Variants in PITPNM3 observed in about 807,000 individuals in gnomAD.
PITPNM3 encodes PITPNM family member 3, also known as membrane-associated phosphatidylinositol transfer protein 3.
Under a neutral mutation model 102.0 loss-of-function variants are expected in PITPNM3, and 26 were observed. The observed-to-expected ratio is 0.25, with a 90% CI of 0.19 to 0.35. The LOEUF (loss-of-function observed/expected upper bound fraction) is 0.35. PITPNM3 is among the 10% of genes least tolerant of loss of function. The pLI, the probability that PITPNM3 is intolerant of heterozygous loss-of-function variation, is 1.00. For synonymous variants in PITPNM3, 578 were observed against 558.6 expected (o/e 1.03, Z -0.49); for missense variants, 1,083 against 1,346.1 (o/e 0.80, Z 3.06).
chr17:6,483,858 C>T (rs751576665), intron 5 of PITPNM3, 106 bp from the exon 6 acceptor site: 379 of 987,342 alleles, frequency 3.8e-4, no homozygotes, highest in Non-Finnish European at 5.3e-4. Context: ...CTCACACACA[C>T]GCACACACGG....
rs55984944 is a variant in PITPNM3, at chr17:6,451,892, C to CCCAAA, written c.*3445_*3446insTTTGG. The CCCAAA allele has an allele frequency of 1.1e-5, 1 of 94,446 alleles. No homozygotes were observed. Among genetic ancestry groups the CCCAAA allele is most frequent in the Non-Finnish European group, 2.2e-5 (1 of 46,070 alleles). The allele number at this position is 94,446 out of a possible 1,614,324, so 5.9% of individuals were successfully genotyped here. On this transcript the variant is annotated 3_prime_UTR_variant, in exon 20 of 20. Coordinates refer to ENST00000262483, the MANE Select transcript of PITPNM3 (RefSeq NM_031220.4). ...ACCCAAACCCCCCCCCCCCGCCCGC[C>CCCAAA]GATGGGATTCGGTGGGAAAGTTGGT...
At chr17:6,544,631 C>CTT (rs1909912631) in intron 1 of PITPNM3, among the ~76,000 whole-genome samples, 2 of 88,642 alleles carry the variant, frequency 2.3e-5, no homozygotes, top group East Asian at 3.3e-4. Context: ...TGGTGTCTCT[C>CTT]TCTCTCTCTC....
intron 14 of PITPNM3, 146 bp from the exon 15 acceptor site, chr17:6,464,917 G>T: frequency 1.2e-6 from 1 of 815,238 alleles, no homozygotes; most frequent in Non-Finnish European, 2.1e-6. Context: ...TTTCAGAGAT[G>T]TGTTCCCAGG....
chr17:6,483,643 A>G lies in PITPNM3; in HGVS notation c.461T>C (p.Ile154Thr). The part of the protein sequence containing the change: ...AGDPSCKAAD[I>T]HTFSSVLEKV... The stretch of plus-strand genomic sequence containing the variant: ...CTCCAGCACGGAGCTGAAGGTGTGG[A>G]TGTCGGCTGCCTTGCAGGACGGGTC... Residue 154 changes from isoleucine (I) to threonine (T), a missense_variant, in exon 6 of 20, where the codon ATC becomes ACC. By Grantham distance (89) the Ile-to-Thr change is moderately conservative (BLOSUM62 -1). Transcript: ENST00000262483. 1.2e-6 allele frequency: 2 copies of G among 1,614,098 alleles called. No homozygotes were observed. Among genetic ancestry groups the G allele is most frequent in the South Asian group, 2.2e-5 (2 of 91,080 alleles).
chr17:6,469,811 C>A lies in PITPNM3; in HGVS notation c.1773+449G>T, dbSNP rs977769531. 6.6e-6 allele frequency among the ~76,000 whole-genome samples: 1 copy of A among 152,210 alleles called. No individual in the cohort carries two copies. Among genetic ancestry groups the A allele is most frequent in the Non-Finnish European group, 1.5e-5 (1 of 68,040 alleles). The stretch of plus-strand genomic sequence containing the variant: ...CCGTTGAACCCAATATAAAACCATA[C>A]CCCTGACCTTGGCCATCACGGCTGT... On this transcript the variant is annotated intron_variant, in intron 13 of 19. Coordinates refer to ENST00000262483, the MANE Select transcript of PITPNM3 (RefSeq NM_031220.4). The surrounding 1 kb of genome is among the most constrained non-coding windows in gnomAD (Gnocchi z 4.0).
chr17:6,474,043 G>T (rs1394801109), intron 10 of PITPNM3, among the ~76,000 whole-genome samples: 1 of 151,532 alleles, frequency 6.6e-6, no homozygotes, highest in East Asian at 1.9e-4. Flanking sequence ...TGGGCTTGGG[G>T]ATATGCGGGG....
chr17:6,505,782 G>C (rs1476972498), intron 3 of PITPNM3, among the ~76,000 whole-genome samples: 1 of 152,252 alleles, frequency 6.6e-6, no homozygotes, highest in Non-Finnish European at 1.5e-5. Context: ...GGAGGATACA[G>C]AGATGAGGAA....
chr17:6,511,851 A>T (rs1468688605), intron 3 of PITPNM3, among the ~76,000 whole-genome samples: 2 of 152,184 alleles, frequency 1.3e-5, no homozygotes, highest in African/African-American at 4.8e-5. Context: ...CATGGGGGGC[A>T]GGAGAATCAC....
At chr17:6,523,020 C>T (rs532013607) in intron 3 of PITPNM3, among the ~76,000 whole-genome samples, 21 of 152,200 alleles carry the variant, frequency 1.4e-4, no homozygotes, top group South Asian at 1.0e-3. Flanking sequence ...TGAATTCACA[C>T]GAGAATGGGA....
Position 6,516,698 on chromosome 17 carries a change from C to T in PITPNM3, c.226+8658G>A, listed in dbSNP as rs114115788. 7.0e-3 allele frequency among the ~76,000 whole-genome samples: 1,059 copies of T among 151,898 alleles called. 13 individuals carry two copies. The highest frequency in any genetic ancestry group is 0.024 in the African/African-American group (999 of 41,438). Reference sequence around the variant, plus strand: ...TCCACAACAAAAACCTACTCAGAAACGTCGCTTGAAATTTCAGAATACAAG... The same window carrying T: ...TCCACAACAAAAACCTACTCAGAAATGTCGCTTGAAATTTCAGAATACAAG... On this transcript the variant is annotated intron_variant, in intron 3 of 19. Coordinates refer to ENST00000262483, the MANE Select transcript of PITPNM3 (RefSeq NM_031220.4).
At position 6,477,016 on chromosome 17, in the gene PITPNM3, A is replaced by G. The variant is rs1905339124; in HGVS notation, c.1085+13T>C. The G allele has an allele frequency of 1.2e-6, 2 of 1,613,524 alleles. No homozygotes were observed. Among genetic ancestry groups the G allele is most frequent in the South Asian group, 2.2e-5 (2 of 91,012 alleles). On this transcript the variant is annotated intron_variant, in intron 9 of 19. Transcript: ENST00000262483. ...AGCCAAGGTCTTCTTGCTTCTGGAC[A>G]GGGAGGGGCTACCTTGAGAGGAAGG...
At chr17:6,485,202 A>C (rs1906009258) in intron 4 of PITPNM3, among the ~76,000 whole-genome samples, 2 of 146,238 alleles carry the variant, frequency 1.4e-5, no homozygotes, top group African/African-American at 5.1e-5. Flanking sequence ...CTTGTTGCCC[A>C]GGCTGGAGTG....
intron 1 of PITPNM3, 142 bp from the exon 2 acceptor site, chr17:6,538,224 G>C (rs1794632985): frequency 1.4e-6 from 1 of 697,048 alleles, no homozygotes; most frequent in Non-Finnish European, 2.7e-6. Flanking sequence ...AGACCTCACA[G>C]AGCCCTCCCT....
chr17:6,468,185 GAC>G lies in PITPNM3; in HGVS notation c.1890+38_1890+39del, dbSNP rs748149024. 40 of 1,595,076 alleles carry G rather than the reference GAC, an allele frequency of 2.5e-5. No homozygotes were observed. The highest frequency in any genetic ancestry group is 3.3e-5 in the Non-Finnish European group (39 of 1,165,032). On this transcript the variant is annotated intron_variant, in intron 14 of 19. Coordinates refer to ENST00000262483, the MANE Select transcript of PITPNM3 (RefSeq NM_031220.4). This position sits in a 1 kb window ranked among gnomAD's most constrained non-coding sequence, Gnocchi z 5.2. Reference sequence around the variant, plus strand: ...CCCGGGCCAGCCCCACCTCCCGGAGGACACAGTCCCAGCCACATGCGAACTGA... The same window carrying G: ...CCCGGGCCAGCCCCACCTCCCGGAGGACAGTCCCAGCCACATGCGAACTGA...
intron 1 of PITPNM3, among the ~76,000 whole-genome samples, chr17:6,543,822 G>C (rs543762739): frequency 6.6e-6 from 1 of 152,170 alleles, no homozygotes; most frequent in African/African-American, 2.4e-5. Flanking sequence ...GAGGGTTTCC[G>C]GGGGAGGGGA....
intron 2 of PITPNM3, among the ~76,000 whole-genome samples, chr17:6,533,053 C>G (rs2150657228): frequency 6.6e-6 from 1 of 152,282 alleles, no homozygotes; most frequent in East Asian, 1.9e-4. Context: ...ACCTCTGCCT[C>G]CCAGGTTCAA....
chr17:6,524,376 T>C (rs16955915), intron 3 of PITPNM3, among the ~76,000 whole-genome samples: 15,286 of 152,052 alleles, frequency 0.1, 1,911 homozygotes, highest in African/African-American at 0.29. Context: ...AACTTGAGGG[T>C]AACAGGTACA....
intron 17 of PITPNM3, among the ~76,000 whole-genome samples, chr17:6,462,341 A>G (rs1904506751): frequency 6.6e-6 from 1 of 152,068 alleles, no homozygotes; most frequent in African/African-American, 2.4e-5. Context: ...TAGAGCCTCA[A>G]GTCCTCTCTC....
At chr17:6,518,238 A>C (rs1194382320) in intron 3 of PITPNM3, among the ~76,000 whole-genome samples, 6 of 152,180 alleles carry the variant, frequency 3.9e-5, no homozygotes, top group Non-Finnish European at 4.4e-5. Flanking sequence ...TTGGGTAAAG[A>C]GGAGAACGTG....
Sources: gnomAD v4.1 joint callset for allele counts (sites outside exome capture counted in the v4.1 genomes callset) on GRCh38, gnomAD v4.1.1 for gene constraint, Gnocchi (gnomAD v3.1) non-coding constraint, MANE v1.5 for transcripts, NCBI Gene and HGNC (gene_info 2026-07-23, HGNC 2026-07-21) for gene names.